The following KIAA1958 variants were observed in gnomAD, a reference collection of about 807,000 sequenced individuals.
KIAA1958 encodes the protein uncharacterized protein KIAA1958.
Under a neutral mutation model 47.2 loss-of-function variants are expected in KIAA1958, and 14 were observed. The ratio of observed to expected loss-of-function variants is 0.30; its 90% confidence interval spans 0.20 to 0.46. The LOEUF (loss-of-function observed/expected upper bound fraction) is 0.46. Ranked by LOEUF, KIAA1958 falls within the 20% of genes least tolerant of loss-of-function variation. The pLI is 1.00. For missense variants in KIAA1958, 803 were observed against 909.2 expected (o/e 0.88, Z 1.50); for synonymous variants, 354 against 353.3 (o/e 1.00, Z -0.02).
At chr9:112,617,806 G>A (rs1322012915) in intron 2 of KIAA1958, 2 of 1,246,700 alleles carry the variant, frequency 1.6e-6, no homozygotes, top group South Asian at 1.6e-5. Flanking sequence ...TTATTTCAGA[G>A]TAGAAAGTGC....
At chr9:112,631,534 G>GAAAA (rs57805823) in intron 2 of KIAA1958, among the ~76,000 whole-genome samples, 23 of 98,268 alleles carry the variant, frequency 2.3e-4, no homozygotes, top group Non-Finnish European at 3.7e-4. Flanking sequence ...CTCTCTCAAA[G>GAAAA]AAAAAAAAAA....
chr9:112,590,150 A>G lies in KIAA1958; in HGVS notation c.1171+14899A>G, dbSNP rs567438546. On this transcript the variant is annotated intron_variant, in intron 2 of 3. Coordinates refer to ENST00000337530, the MANE Select transcript of KIAA1958 (RefSeq NM_133465.4). ...CTTAAAATGCAGAATTTCAGGCCCT[A>G]GGAGACCTACTGAATCAAAATCTGC... Among the ~76,000 whole-genome samples, 9 of 152,294 alleles carry G rather than the reference A, an allele frequency of 5.9e-5. 1 individual carries two copies. The South Asian group carries it at 1.9e-3, about 32-fold the overall frequency.
intron 2 of KIAA1958, among the ~76,000 whole-genome samples, chr9:112,590,490 T>C (rs1042563367): frequency 6.6e-6 from 1 of 152,078 alleles, no homozygotes; most frequent in Non-Finnish European, 1.5e-5. Context: ...TAGCTGGGAT[T>C]ACAGGCACCT....
chr9:112,652,869 T>C lies in KIAA1958; in HGVS notation c.1345-6394T>C, dbSNP rs143034932. ...ACTCAACTCAAGCAATCCGCCCACCTTAGTCTCCCAAAGTCCTGGGATTAC... is the reference window on the plus strand; with the variant it reads ...ACTCAACTCAAGCAATCCGCCCACCCTAGTCTCCCAAAGTCCTGGGATTAC... On this transcript the variant is annotated intron_variant, in intron 3 of 3. Coordinates refer to ENST00000337530, the MANE Select transcript of KIAA1958 (RefSeq NM_133465.4). 6.7e-3 allele frequency among the ~76,000 whole-genome samples: 1,015 copies of C among 152,296 alleles called. 12 individuals are homozygous for C. Among genetic ancestry groups the C allele is most frequent in the African/African-American group, 0.021 (878 of 41,570 alleles).
chr9:112,505,111 T>G (rs1292790251), intron 1 of KIAA1958, among the ~76,000 whole-genome samples: 3 of 152,342 alleles, frequency 2.0e-5, no homozygotes, highest in Non-Finnish European at 4.4e-5. Context: ...GTCAAGTTTT[T>G]TAGCTTCCAT....
At chr9:112,648,039 T>C (rs971073121) in intron 3 of KIAA1958, among the ~76,000 whole-genome samples, 49 of 152,234 alleles carry the variant, frequency 3.2e-4, no homozygotes, top group African/African-American at 1.2e-3. Flanking sequence ...ATGTGACTCA[T>C]ACATGGGAGA....
intron 1 of KIAA1958, among the ~76,000 whole-genome samples, chr9:112,550,658 C>G (rs1835125528): frequency 6.6e-6 from 1 of 152,190 alleles, no homozygotes. Context: ...GTAGGCCCTC[C>G]CAGTTGAATC....
chr9:112,578,900 T>C (rs1835693025), intron 2 of KIAA1958, among the ~76,000 whole-genome samples: 1 of 152,104 alleles, frequency 6.6e-6, no homozygotes, highest in African/African-American at 2.4e-5. Flanking sequence ...TTCTTCAATA[T>C]ACTTACATAC....
intron 2 of KIAA1958, among the ~76,000 whole-genome samples, chr9:112,594,394 C>T (rs149149467): frequency 4.1e-4 from 63 of 152,276 alleles, no homozygotes; most frequent in African/African-American, 1.5e-3. Flanking sequence ...CATTTCATTA[C>T]CCCATTGCCT....
intron 1 of KIAA1958, among the ~76,000 whole-genome samples, chr9:112,527,431 G>A (rs1220466584): frequency 9.2e-5 from 14 of 152,150 alleles, no homozygotes; most frequent in Admixed American, 9.2e-4. Flanking sequence ...CGTGGCTGGA[G>A]GAAAGTAACA....
chr9:112,488,097 A>G (rs572037666), intron 1 of KIAA1958, among the ~76,000 whole-genome samples: 16 of 152,170 alleles, frequency 1.1e-4, no homozygotes, highest in South Asian at 1.0e-3. Context: ...TCCATGGTGG[A>G]GGTTAAATTG....
intron 1 of KIAA1958, among the ~76,000 whole-genome samples, chr9:112,572,074 G>A (rs535838355): frequency 3.9e-5 from 6 of 152,062 alleles, no homozygotes; most frequent in South Asian, 2.1e-4. Flanking sequence ...GGGATTTCAC[G>A]TTCCTGACTC....
intron 2 of KIAA1958, among the ~76,000 whole-genome samples, chr9:112,629,805 A>G (rs1836678000): frequency 6.6e-6 from 1 of 152,338 alleles, no homozygotes; most frequent in East Asian, 1.9e-4. Context: ...AAATAAGAAA[A>G]GCAATCCAAT....
chr9:112,531,781 A>G (rs1330048290), intron 1 of KIAA1958, among the ~76,000 whole-genome samples: 1 of 152,258 alleles, frequency 6.6e-6, no homozygotes, highest in Non-Finnish European at 1.5e-5. Flanking sequence ...CGTATTTTAA[A>G]AAATCTGTAT....
chr9:112,542,615 T>C (rs1432045397), intron 1 of KIAA1958, among the ~76,000 whole-genome samples: 4 of 152,214 alleles, frequency 2.6e-5, no homozygotes, highest in South Asian at 2.1e-4. Flanking sequence ...AGTATAAATT[T>C]GGTATCTTCA....
At chr9:112,506,704 CTT>C (rs879339905) in intron 1 of KIAA1958, among the ~76,000 whole-genome samples, 1 of 144,786 alleles carries the variant, frequency 6.9e-6, no homozygotes. Context: ...CAAGCTACTG[CTT>C]TTTTTTTTTT....
At position 112,530,370 on chromosome 9, in the gene KIAA1958, G is replaced by A. The variant is rs1729688495; in HGVS notation, c.-25+43252G>A. Among the ~76,000 whole-genome samples, 6 of 152,076 alleles carry A rather than the reference G, an allele frequency of 3.9e-5. No homozygotes were observed. The South Asian group carries it at 1.2e-3, about 32-fold the overall frequency. ...CCCTTTGTTGTGCTCCCATCAGTTC[G>A]TTTTCTGAACATTTTCTTATTTTCT... On this transcript the variant is annotated intron_variant, in intron 1 of 3. Coordinates refer to ENST00000337530, the MANE Select transcript of KIAA1958 (RefSeq NM_133465.4).
intron 1 of KIAA1958, among the ~76,000 whole-genome samples, chr9:112,517,893 G>A (rs945782909): frequency 6.6e-6 from 1 of 152,236 alleles, no homozygotes; most frequent in Non-Finnish European, 1.5e-5. Flanking sequence ...AGAATGGCTA[G>A]AATTAAAAAG....
intron 1 of KIAA1958, among the ~76,000 whole-genome samples, chr9:112,491,545 GGTTTTTTTTTTT>G (rs1400058664): frequency 6.6e-6 from 1 of 150,422 alleles, no homozygotes; most frequent in African/African-American, 2.5e-5. Context: ...ATTATTAGCT[GGTTTTTTTTTTT>G]GTTTTTTTTG....
Sources: gnomAD v4.1 joint callset for allele counts (sites outside exome capture counted in the v4.1 genomes callset) on GRCh38, gnomAD v4.1.1 for gene constraint, MANE v1.5 for transcripts, NCBI Gene and HGNC (gene_info 2026-07-23, HGNC 2026-07-21) for gene names.